Variants in MYCBP2 observed in about 807,000 individuals in gnomAD.
MYCBP2 encodes E3 ubiquitin-protein ligase MYCBP2.
A neutral mutation model predicts 525.3 loss-of-function variants in MYCBP2; 120 were observed. The ratio of observed to expected loss-of-function variants is 0.23; its 90% CI spans 0.20 to 0.27. MYCBP2 has a LOEUF of 0.27. MYCBP2 is among the 10% of genes least tolerant of loss of function. MYCBP2 has a pLI of 1.00. For missense variants in MYCBP2, 4,149 were observed against 5,657.1 expected (o/e 0.73, Z 8.55); for synonymous variants, 1,894 against 1,955.8 (o/e 0.97, Z 0.83).
intron 3 of MYCBP2, among the ~76,000 whole-genome samples, chr13:77,282,110 T>C (rs893259688): frequency 2.6e-5 from 4 of 151,928 alleles, no homozygotes; most frequent in Admixed American, 6.6e-5. Context: ...AAGGCTAAGA[T>C]GGAGAATTCT....
chr13:77,076,839 T>A lies in MYCBP2; in HGVS notation c.11735A>T (p.Lys3912Met), dbSNP rs1351414341. The A allele has an allele frequency of 6.2e-7, 1 of 1,611,150 alleles. No individual in the cohort carries two copies. Among genetic ancestry groups the A allele is most frequent in the African/African-American group, 1.3e-5 (1 of 74,840 alleles). ...AGGTTCAGCATCTCCAGAGATGAGCTTTCCAAATACCTGATGAAGATATGC... is the reference window on the plus strand; with the variant it reads ...AGGTTCAGCATCTCCAGAGATGAGCATTCCAAATACCTGATGAAGATATGC... The part of the protein sequence containing the change: ...FRLITSQVFG[K>M]LISGDAEPTP... The change falls in exon 68 of 83, where the codon AAG (lysine) becomes ATG (methionine). Residue 3912 changes from lysine (K) to methionine (M), a missense_variant. By Grantham distance (95) the Lys-to-Met change is moderately conservative. Around this residue, in one of 21 missense-constraint regions of MYCBP2, gnomAD observed 509 missense variants for 789.4 expected, o/e 0.64. Transcript: ENST00000544440.
At chr13:77,153,402 C>A (rs901956605) in intron 46 of MYCBP2, among the ~76,000 whole-genome samples, 2 of 152,212 alleles carry the variant, frequency 1.3e-5, no homozygotes, top group African/African-American at 2.4e-5. Flanking sequence ...ATGAGCCACA[C>A]GACACCCACG....
At chr13:77,074,472 CT>C (rs1382029508) in intron 68 of MYCBP2, among the ~76,000 whole-genome samples, 2 of 152,136 alleles carry the variant, frequency 1.3e-5, no homozygotes, top group Non-Finnish European at 2.9e-5. Flanking sequence ...TTAAAAACTT[CT>C]GTTCTCTGAA....
In MYCBP2 at chr13:77,322,898, T is replaced by C. The variant is rs567504707; in HGVS notation, c.302+3576A>G. Among the ~76,000 whole-genome samples the C allele has an allele frequency of 2.5e-4, 38 of 152,316 alleles. No individual in the cohort carries two copies. The Middle Eastern group carries it at 0.01, about 41-fold the overall frequency. On this transcript the variant is annotated intron_variant, in intron 1 of 82. Coordinates refer to ENST00000544440, the MANE Select transcript of MYCBP2 (RefSeq NM_015057.5). ...TTGATTGGCCTCATTCATCCAAAAA[T>C]ATATCTATTCAGTCACTGGATAAAT...
In MYCBP2 at chr13:77,205,305, C is replaced by T. The variant is rs1167510170; in HGVS notation, c.3794G>A (p.Gly1265Asp). 6.2e-7 allele frequency: 1 copy of T among 1,613,726 alleles called. No homozygotes were observed. Among genetic ancestry groups the T allele is most frequent in the Admixed American group, 1.7e-5 (1 of 60,000 alleles). The change falls in exon 26 of 83, where the codon GGT (glycine) becomes GAT (aspartate). Residue 1265 changes from glycine (G) to aspartate (D), a missense_variant. By Grantham distance (94) the Gly-to-Asp change is moderately conservative (BLOSUM62 -1). This residue lies in a region of MYCBP2 where 620 missense variants were observed against 795.5 expected (regional missense o/e 0.78). Transcript: ENST00000544440. ...TCTACCTCCAAACAGACCAAGACCACCAAGTAAAATATCAGTGTCGGCACT... is the reference window on the plus strand; with the variant it reads ...TCTACCTCCAAACAGACCAAGACCATCAAGTAAAATATCAGTGTCGGCACT... ...RFSADTDILL[G>D]GLGLFGGRGE...
intron 33 of MYCBP2, among the ~76,000 whole-genome samples, chr13:77,181,486 A>C (rs1595191625): frequency 1.3e-5 from 2 of 152,212 alleles, no homozygotes; most frequent in African/African-American, 4.8e-5. Flanking sequence ...TAGAGCAAAA[A>C]AACTTCATTT....
intron 7 of MYCBP2, among the ~76,000 whole-genome samples, chr13:77,269,630 A>T (rs1183078511): frequency 6.9e-6 from 1 of 145,970 alleles, no homozygotes. Context: ...TGTCTCAATT[A>T]AAAAAAAAAA....
At chr13:77,256,602 T>C (rs1176953239) in intron 14 of MYCBP2, among the ~76,000 whole-genome samples, 1 of 152,028 alleles carries the variant, frequency 6.6e-6, no homozygotes, top group Non-Finnish European at 1.5e-5. Flanking sequence ...AGTAGACATA[T>C]GAATAGCAAA....
At position 77,185,229 on chromosome 13, in the gene MYCBP2, G is replaced by C; in HGVS notation, c.4593C>G (p.Pro1531=). The C allele has an allele frequency of 1.2e-6, 2 of 1,614,128 alleles. No individual in the cohort carries two copies. Among genetic ancestry groups the C allele is most frequent in the Non-Finnish European group, 1.7e-6 (2 of 1,180,012 alleles). Residue 1531 remains proline (P), a synonymous_variant, in exon 32 of 83, where the codon CCC becomes CCG. Coordinates refer to ENST00000544440, the MANE Select transcript of MYCBP2 (RefSeq NM_015057.5). The part of the protein sequence containing the change: ...DNDPQGYLSQ[P]LSLLEAVLQE... ...GAAGGACAGCTTCTAGAAGACTCAA[G>C]GGTTGACTGAGATATCCTTGAGGAT...
In MYCBP2 at chr13:77,238,311, G is replaced by A. The variant is rs1382074585; in HGVS notation, c.2629+4748C>T. 2.7e-5 allele frequency among the ~76,000 whole-genome samples: 4 copies of A among 148,220 alleles called. No homozygotes were observed. The East Asian group carries it at 7.9e-4, about 29-fold the overall frequency. The stretch of plus-strand genomic sequence containing the variant: ...TATAAAATGGGACTCTCCCATGTAA[G>A]CCAGGACATGGGTTTAGCCCATCTA... On this transcript the variant is annotated intron_variant, in intron 17 of 82. Coordinates refer to ENST00000544440, the MANE Select transcript of MYCBP2 (RefSeq NM_015057.5).
intron 4 of MYCBP2, among the ~76,000 whole-genome samples, chr13:77,277,403 C>T (rs765762983): frequency 7.2e-5 from 11 of 152,152 alleles, no homozygotes; most frequent in Non-Finnish European, 1.3e-4. Context: ...CTTTTAATAA[C>T]TGTGTATGTG....
At chr13:77,172,322 A>G (rs920188397) in intron 37 of MYCBP2, among the ~76,000 whole-genome samples, 14 of 152,158 alleles carry the variant, frequency 9.2e-5, no homozygotes, top group Admixed American at 9.2e-4. Context: ...GAAGAAAAGG[A>G]GAAAGAGTGA....
intron 17 of MYCBP2, among the ~76,000 whole-genome samples, chr13:77,236,174 T>G (rs1008631376): frequency 6.6e-6 from 1 of 152,192 alleles, no homozygotes; most frequent in Admixed American, 6.5e-5. Context: ...AACAGTAAGA[T>G]TCTGAAAAGT....
chr13:77,197,510 T>C (rs964276785), intron 26 of MYCBP2, among the ~76,000 whole-genome samples: 1 of 152,164 alleles, frequency 6.6e-6, no homozygotes, highest in African/African-American at 2.4e-5. Flanking sequence ...CATATTTACA[T>C]GAAAATGCAT....
chr13:77,154,953 ATGTATGTG>A (rs1361255528), intron 46 of MYCBP2, among the ~76,000 whole-genome samples: 1 of 152,026 alleles, frequency 6.6e-6, no homozygotes, highest in Non-Finnish European at 1.5e-5. Flanking sequence ...CATATTATGT[ATGTATGTG>A]TGTATGTATA....
Position 77,261,344 on chromosome 13 carries a change from C to T in MYCBP2, c.1679G>A (p.Gly560Glu), listed in dbSNP as rs1463989532. ...TGCTGAAGGACCACCTTGTTTGATT[C>T]CAAGACTCTGGTATTTGCCAGTGTA... is the stretch of plus-strand genomic sequence containing the variant. ...IYYTGKYQSL[G>E]IKQGGPSAGK... Residue 560 changes from glycine (G) to glutamate (E), a missense_variant, in exon 12 of 83, where the codon GGA (glycine) becomes GAA (glutamate). By Grantham distance (98) the Gly-to-Glu change is moderately conservative (BLOSUM62 -2). Coordinates refer to ENST00000544440, the MANE Select transcript of MYCBP2 (RefSeq NM_015057.5). The T allele has an allele frequency of 6.2e-7, 1 of 1,611,474 alleles. No homozygotes were observed. Among genetic ancestry groups the T allele is most frequent in the Non-Finnish European group, 8.5e-7 (1 of 1,179,250 alleles).
chr13:77,284,716 A>T (rs1230517814), intron 3 of MYCBP2, among the ~76,000 whole-genome samples: 2 of 152,166 alleles, frequency 1.3e-5, no homozygotes, highest in Non-Finnish European at 2.9e-5. Context: ...TCTTGTTTGC[A>T]CCTAAACTGA....
At chr13:77,060,838 T>C (rs2039156920) in intron 76 of MYCBP2, among the ~76,000 whole-genome samples, 1 of 152,116 alleles carries the variant, frequency 6.6e-6, no homozygotes, top group African/African-American at 2.4e-5. Context: ...CTAGCAGAAC[T>C]AGAAGGGAAT....
intron 30 of MYCBP2, among the ~76,000 whole-genome samples, chr13:77,187,302 C>G (rs1183293541): frequency 6.6e-6 from 1 of 152,108 alleles, no homozygotes; most frequent in Non-Finnish European, 1.5e-5. Context: ...CAACTTAAGA[C>G]TAATAGGATG....
Sources: allele counts gnomAD v4.1 joint callset (sites outside exome capture counted in the v4.1 genomes callset), GRCh38; gene constraint gnomAD v4.1.1; regional missense constraint gnomAD v4.1.1; transcripts MANE v1.5; gene names NCBI Gene and HGNC (gene_info 2026-07-23, HGNC 2026-07-21).